The following NPFFR2 variants were observed in gnomAD, a reference collection of about 807,000 sequenced individuals.
NPFFR2 encodes the protein G-protein coupled receptor 74.
Under a neutral mutation model 13.1 loss-of-function variants are expected in NPFFR2, and 15 were observed. The observed-to-expected ratio is 1.15, with a 90% CI of 0.77 to 1.76. The LOEUF (loss-of-function observed/expected upper bound fraction) is 1.76. Ranked by LOEUF, NPFFR2 falls within the 40% of genes most tolerant of loss-of-function variation. NPFFR2 has a pLI of 0.00. For missense variants in NPFFR2, 572 were observed against 503.5 expected, an observed-to-expected ratio of 1.14 and a Z score of -1.30; for synonymous variants, 190 against 175.7, an observed-to-expected ratio of 1.08 and a Z score of -0.65.
At chr4:72,110,395 T>G (rs2109818424) in intron 1 of NPFFR2, among the ~76,000 whole-genome samples, 1 of 152,108 alleles carries the variant, frequency 6.6e-6, no homozygotes, top group East Asian at 1.9e-4. Context: ...TTATTAGCAG[T>G]GTGAGAACAG....
chr4:72,110,793 A>G (rs1243747843), intron 1 of NPFFR2, among the ~76,000 whole-genome samples: 1 of 152,018 alleles, frequency 6.6e-6, no homozygotes, highest in African/African-American at 2.4e-5. Context: ...TTATCTGTGC[A>G]GTCAAATCAT....
intron 1 of NPFFR2, among the ~76,000 whole-genome samples, chr4:72,084,502 T>A (rs1187453219): frequency 1.3e-5 from 2 of 152,172 alleles, no homozygotes; most frequent in Non-Finnish European, 2.9e-5. Flanking sequence ...AATTACACAT[T>A]TTTAAGACCA....
At chr4:72,145,600 G>T (rs1722752554) in intron 3 of NPFFR2, among the ~76,000 whole-genome samples, 1 of 152,076 alleles carries the variant, frequency 6.6e-6, no homozygotes, top group Non-Finnish European at 1.5e-5. Flanking sequence ...TGGATTAGAA[G>T]ACTGGAAGAA....
chr4:72,111,264 CA>C (rs1390533175), intron 1 of NPFFR2, among the ~76,000 whole-genome samples: 1 of 151,990 alleles, frequency 6.6e-6, no homozygotes, highest in Non-Finnish European at 1.5e-5. Context: ...ATTGTGCAGG[CA>C]AATTCAAACA....
chr4:72,138,837 A>G (rs1459883395), intron 3 of NPFFR2, among the ~76,000 whole-genome samples: 4 of 152,082 alleles, frequency 2.6e-5, no homozygotes, highest in Admixed American at 2.6e-4. Flanking sequence ...GAATCGTCAC[A>G]CTGTCTTCCC....
chr4:72,067,166 G>T (rs1257435920), intron 1 of NPFFR2, among the ~76,000 whole-genome samples: 1 of 152,210 alleles, frequency 6.6e-6, no homozygotes, highest in Non-Finnish European at 1.5e-5. Flanking sequence ...GCATCGTGTG[G>T]ATGGATTCTC....
intron 1 of NPFFR2, among the ~76,000 whole-genome samples, chr4:72,098,005 AC>A (rs1721119748): frequency 6.6e-6 from 1 of 152,162 alleles, no homozygotes; most frequent in Non-Finnish European, 1.5e-5. Flanking sequence ...CCCATTATAT[AC>A]ATATTTGTTT....
intron 3 of NPFFR2, among the ~76,000 whole-genome samples, chr4:72,143,139 G>T (rs1722683107): frequency 2.6e-5 from 4 of 152,114 alleles, no homozygotes; most frequent in Admixed American, 2.6e-4. Context: ...GAAATAGGAG[G>T]CACTTGTTCA....
At chr4:72,140,827 A>G (rs1722585804) in intron 3 of NPFFR2, among the ~76,000 whole-genome samples, 1 of 152,162 alleles carries the variant, frequency 6.6e-6, no homozygotes. Context: ...GAATAGTTTC[A>G]GAAGGTATAG....
intron 2 of NPFFR2, among the ~76,000 whole-genome samples, chr4:72,130,867 G>A (rs1722215916): frequency 1.3e-5 from 2 of 152,178 alleles, no homozygotes; most frequent in African/African-American, 2.4e-5. Context: ...CTGAGTTCCT[G>A]TCTGGCATTC....
intron 1 of NPFFR2, among the ~76,000 whole-genome samples, chr4:72,112,055 G>C (rs1721580764): frequency 6.6e-6 from 1 of 152,022 alleles, no homozygotes; most frequent in Admixed American, 6.6e-5. Flanking sequence ...GCCTATGATT[G>C]CTTGTTTGGG....
intron 1 of NPFFR2, among the ~76,000 whole-genome samples, chr4:72,067,938 T>C (rs980695613): frequency 7.2e-5 from 11 of 152,230 alleles, no homozygotes; most frequent in African/African-American, 2.7e-4. Context: ...TTGGGAAGAA[T>C]GAACCTTTCC....
chr4:72,117,077 C>G (rs542650065), intron 1 of NPFFR2, among the ~76,000 whole-genome samples: 1 of 152,132 alleles, frequency 6.6e-6, no homozygotes, highest in African/African-American at 2.4e-5. Context: ...AAGGACCCCC[C>G]ACCCTTTTCT....
chr4:72,096,678 G>A (rs1721082817), intron 1 of NPFFR2, among the ~76,000 whole-genome samples: 1 of 152,034 alleles, frequency 6.6e-6, no homozygotes, highest in Non-Finnish European at 1.5e-5. Flanking sequence ...CCTGGGGATT[G>A]TGACAACTAA....
chr4:72,129,503 A>G (rs1460727540), intron 2 of NPFFR2, among the ~76,000 whole-genome samples: 3 of 78,304 alleles, frequency 3.8e-5, no homozygotes, highest in African/African-American at 1.6e-4. Context: ...TCTTGGCATC[A>G]TAGACAATGT....
intron 1 of NPFFR2, among the ~76,000 whole-genome samples, chr4:72,054,188 AT>A (rs570562994): frequency 6.6e-6 from 1 of 151,692 alleles, no homozygotes; most frequent in African/African-American, 2.4e-5. Flanking sequence ...AGAAACAACA[AT>A]TTTTTTTAAA....
chr4:72,110,511 T>C (rs1206379906), intron 1 of NPFFR2, among the ~76,000 whole-genome samples: 2 of 152,138 alleles, frequency 1.3e-5, no homozygotes, highest in Middle Eastern at 6.8e-3. Context: ...GAACTTTGGC[T>C]GTGCTGTTTG....
chr4:72,101,819 C>G (rs1203567028), intron 1 of NPFFR2, among the ~76,000 whole-genome samples: 2 of 151,976 alleles, frequency 1.3e-5, no homozygotes, highest in Non-Finnish European at 2.9e-5. Flanking sequence ...AATGTATTCT[C>G]CAGCTGGGAC....
At chr4:72,042,463 A>C (rs1444738591) in intron 1 of NPFFR2, among the ~76,000 whole-genome samples, 1 of 152,242 alleles carries the variant, frequency 6.6e-6, no homozygotes, top group Non-Finnish European at 1.5e-5. Flanking sequence ...AGTAATTGGC[A>C]GAGGTTGGAA....
Sources: gnomAD v4.1 joint callset for allele counts (sites outside exome capture counted in the v4.1 genomes callset) on GRCh38, gnomAD v4.1.1 for gene constraint, MANE v1.5 for transcripts, NCBI Gene and HGNC (gene_info 2026-07-23, HGNC 2026-07-21) for gene names.